CFAP95: variants seen among roughly 807,000 people sequenced by gnomAD.
The protein encoded by CFAP95 is cilia and flagella associated protein 95, also known as cilia- and flagella-associated protein 95.
chr9:69,898,075 T>A, the CFAP95 span, among the ~76,000 whole-genome samples: 1 of 152,154 alleles, frequency 6.6e-6, no homozygotes, highest in Admixed American at 6.5e-5. Flanking sequence ...TTTCTTTTCC[T>A]CCTTCTACCA....
the CFAP95 span, among the ~76,000 whole-genome samples, chr9:69,832,148 C>T: frequency 5.7e-3 from 861 of 152,292 alleles, 5 homozygotes; most frequent in Admixed American, 0.012. Context: ...TTTCAGAGAT[C>T]AGTGGCACCT....
the CFAP95 span, among the ~76,000 whole-genome samples, chr9:69,887,885 T>G: frequency 2.0e-5 from 3 of 152,190 alleles, no homozygotes; most frequent in East Asian, 5.8e-4. Context: ...AAGCTTGACT[T>G]ACGAGTGAGG....
chr9:69,852,454 T>A, the CFAP95 span, among the ~76,000 whole-genome samples: 1 of 152,036 alleles, frequency 6.6e-6, no homozygotes, highest in Non-Finnish European at 1.5e-5. Flanking sequence ...AATTTAGCAG[T>A]TGGAGGAGTT....
the CFAP95 span, among the ~76,000 whole-genome samples, chr9:69,897,279 T>C: frequency 6.6e-6 from 1 of 152,242 alleles, no homozygotes; most frequent in African/African-American, 2.4e-5. Flanking sequence ...AGCATCCTTA[T>C]AGGCATACTG....
the CFAP95 span, among the ~76,000 whole-genome samples, chr9:69,896,885 T>A: frequency 6.6e-6 from 1 of 151,944 alleles, no homozygotes; most frequent in Non-Finnish European, 1.5e-5. Flanking sequence ...CAAGACTCTG[T>A]CTCTGAAAAA....
chr9:69,835,949 G>A, the CFAP95 span, among the ~76,000 whole-genome samples: 1 of 152,132 alleles, frequency 6.6e-6, no homozygotes, highest in Non-Finnish European at 1.5e-5. Flanking sequence ...ACACGGAGCT[G>A]GGCCCTCTGG....
chr9:69,821,105 G>C, the CFAP95 span: 3 of 1,554,004 alleles, frequency 1.9e-6, no homozygotes, highest in Non-Finnish European at 2.6e-6. Context: ...AACAGGAAAG[G>C]AAAGGAGAGT....
At chr9:69,856,726 T>TTA in the CFAP95 span, 1 of 1,300,732 alleles carries the variant, frequency 7.7e-7, no homozygotes, top group East Asian at 2.4e-5. Context: ...CAGAAAGGAC[T>TTA]TGTATAAGTA....
the CFAP95 span, among the ~76,000 whole-genome samples, chr9:69,883,785 A>C: frequency 6.6e-6 from 1 of 150,626 alleles, no homozygotes; most frequent in East Asian, 2.0e-4. Context: ...TTTTTGTCTT[A>C]GTCTGGCTAA....
At chr9:69,853,578 C>T in the CFAP95 span, among the ~76,000 whole-genome samples, 3 of 152,040 alleles carry the variant, frequency 2.0e-5, no homozygotes, top group South Asian at 6.2e-4. Context: ...TATACAAAGC[C>T]CAAAAGACTT....
the CFAP95 span, among the ~76,000 whole-genome samples, chr9:69,849,000 C>T: frequency 6.6e-6 from 1 of 152,164 alleles, no homozygotes; most frequent in South Asian, 2.1e-4. Context: ...TCTGATTGTA[C>T]CTACTTATAA....
At chr9:69,855,365 G>A in the CFAP95 span, among the ~76,000 whole-genome samples, 2 of 152,212 alleles carry the variant, frequency 1.3e-5, no homozygotes, top group Admixed American at 1.3e-4. Context: ...TTAGCCAAAA[G>A]GCTGAGAAGC....
the CFAP95 span, among the ~76,000 whole-genome samples, chr9:69,879,937 A>C: frequency 6.6e-6 from 1 of 152,082 alleles, no homozygotes; most frequent in Non-Finnish European, 1.5e-5. Flanking sequence ...TTGGTCTCTC[A>C]CATCACACTG....
At chr9:69,858,051 G>A in the CFAP95 span, 87 of 1,405,320 alleles carry the variant, frequency 6.2e-5, no homozygotes, top group Non-Finnish European at 8.6e-5. Context: ...AGGGGCAAAG[G>A]TATGACAGGG....
At chr9:69,883,234 T>G in the CFAP95 span, among the ~76,000 whole-genome samples, 1 of 152,192 alleles carries the variant, frequency 6.6e-6, no homozygotes, top group Admixed American at 6.5e-5. Flanking sequence ...CCGATTTCCG[T>G]CAGGAGCATT....
the CFAP95 span, among the ~76,000 whole-genome samples, chr9:69,868,571 T>C: frequency 6.6e-6 from 1 of 150,490 alleles, no homozygotes; most frequent in Admixed American, 6.7e-5. Context: ...GGCAGGAGAA[T>C]AGCTTGGAGC....
chr9:69,857,663 T>A, the CFAP95 span, among the ~76,000 whole-genome samples: 1 of 152,182 alleles, frequency 6.6e-6, no homozygotes, highest in African/African-American at 2.4e-5. Context: ...TAGCTAGGGC[T>A]ACAGGCACAT....
the CFAP95 span, among the ~76,000 whole-genome samples, chr9:69,870,505 T>A: frequency 2.0e-5 from 3 of 152,248 alleles, no homozygotes; most frequent in Admixed American, 2.0e-4. Flanking sequence ...CAAGTCTTAT[T>A]AACTAGCTTT....
At chr9:69,849,168 C>T in the CFAP95 span, among the ~76,000 whole-genome samples, 1 of 152,158 alleles carries the variant, frequency 6.6e-6, no homozygotes, top group Admixed American at 6.5e-5. Context: ...AGTTTGTCAC[C>T]TTCTGTTAGA....
Sources: gnomAD v4.1 joint callset for allele counts (sites outside exome capture counted in the v4.1 genomes callset) on GRCh38, gnomAD v4.1.1 for gene constraint, MANE v1.5 for transcripts, NCBI Gene and HGNC (gene_info 2026-07-23, HGNC 2026-07-21) for gene names.